Variants in ATG7 observed in about 807,000 individuals in gnomAD.
ATG7 encodes the protein autophagy related 7.
A neutral mutation model predicts 82.4 loss-of-function variants in ATG7; 70 were observed. The observed-to-expected ratio is 0.85, with a 90% CI of 0.70 to 1.04. The LOEUF (loss-of-function observed/expected upper bound fraction) is 1.04, where lower values mean the gene tolerates loss of function less well. Ranked by LOEUF, ATG7 falls within the 50% of genes least tolerant of loss-of-function variation. The pLI, the probability that ATG7 is intolerant of heterozygous loss-of-function variation, is 0.00. For missense variants in ATG7, 792 were observed against 864.3 expected (o/e 0.92, Z 1.05); for synonymous variants, 287 against 313.0 (o/e 0.92, Z 0.88).
intron 20 of ATG7, among the ~76,000 whole-genome samples, chr3:11,447,262 G>A (rs2084655637): frequency 6.6e-6 from 1 of 152,020 alleles, no homozygotes; most frequent in Non-Finnish European, 1.5e-5. Context: ...TCAGGAATTC[G>A]AGACCAGCCT....
intron 20 of ATG7, among the ~76,000 whole-genome samples, chr3:11,452,452 G>A (rs2442772): frequency 0.32 from 47,889 of 148,972 alleles, 8,730 homozygotes; most frequent in African/African-American, 0.47. Flanking sequence ...TTACACAGCT[G>A]TGAACATATT....
intron 20 of ATG7, among the ~76,000 whole-genome samples, chr3:11,552,888 A>G (rs1179309695): frequency 6.6e-6 from 1 of 152,168 alleles, no homozygotes; most frequent in Non-Finnish European, 1.5e-5. Context: ...AAACCCAGTA[A>G]AATGGATGAT....
rs543149244 is a variant in ATG7, at chr3:11,370,320, C to G, written c.1875+5586C>G. ...CTGGCTCATGTCCAGCTTAGTTTTT[C>G]TGCCCCCTTGGTGACTCTAGCTTAA... is the stretch of plus-strand genomic sequence containing the variant. On this transcript the variant is annotated intron_variant, in intron 18 of 20. Coordinates refer to ENST00000693202, the MANE Select transcript of ATG7 (RefSeq NM_001349232.2). 3.4e-4 allele frequency among the ~76,000 whole-genome samples: 51 copies of G among 151,038 alleles called. 1 individual carries two copies. Among genetic ancestry groups the G allele is most frequent in the African/African-American group, 1.2e-3 (48 of 40,984 alleles).
At chr3:11,282,678 G>A (rs1024902262) in intron 3 of ATG7, among the ~76,000 whole-genome samples, 4 of 152,134 alleles carry the variant, frequency 2.6e-5, no homozygotes, top group Non-Finnish European at 5.9e-5. Context: ...CTCATCTTCC[G>A]GTAGAGCCTA....
At chr3:11,317,144 G>A (rs1009040961) in intron 9 of ATG7, among the ~76,000 whole-genome samples, 2 of 152,050 alleles carry the variant, frequency 1.3e-5, no homozygotes, top group Non-Finnish European at 2.9e-5. Context: ...CTGGCCCAGA[G>A]GAAGCCCTTT....
chr3:11,414,968 TC>T (rs2081240927), intron 19 of ATG7, among the ~76,000 whole-genome samples: 1 of 152,350 alleles, frequency 6.6e-6, no homozygotes, highest in South Asian at 2.1e-4. Context: ...GGGGATACCT[TC>T]TGAGAAATGT....
At chr3:11,564,982 G>A in the ATG7 span, 70 of 1,528,852 alleles carry the variant, frequency 4.6e-5, no homozygotes, top group Non-Finnish European at 5.5e-5. Flanking sequence ...CTCCGCTCCC[G>A]GGGGTCTCTG....
At chr3:11,295,535 A>T (rs114213895) in intron 3 of ATG7, among the ~76,000 whole-genome samples, 1,553 of 152,270 alleles carry the variant, frequency 0.01, 31 homozygotes, top group African/African-American at 0.033. Context: ...TGCCTTTTAT[A>T]GCCTGTTCTC....
Position 11,497,367 on chromosome 3 carries a change from A to ATG in ATG7, c.2080-57443_2080-57442insGT, listed in dbSNP as rs561440651. On this transcript the variant is annotated intron_variant, in intron 20 of 20. Transcript: ENST00000693202. ...TCTGTACTAAAAATACTATATATAT[A>ATG]TATATATATATATATATATATATAT... Among the ~76,000 whole-genome samples the ATG allele has an allele frequency of 4.1e-3, 285 of 69,504 alleles. 11 individuals carry two copies. The highest frequency in any genetic ancestry group is 0.014 in the African/African-American group (275 of 19,944). The allele number at this position is 69,504 out of a possible 152,430, so 45.6% of individuals were successfully genotyped here. A position where few individuals can be genotyped will look rare whatever the true frequency, so the allele number is the denominator to read the frequency against.
chr3:11,530,889 C>T lies in ATG7; in HGVS notation c.2080-23922C>T, dbSNP rs1271870275. ...ACAGCTACTTGGGAGGCTGAGGCAA[C>T]GGTGTTGCTTGCCCCTGGGAGGCAG... On this transcript the variant is annotated intron_variant, in intron 20 of 20. Coordinates refer to ENST00000693202, the MANE Select transcript of ATG7 (RefSeq NM_001349232.2). 5.3e-5 allele frequency among the ~76,000 whole-genome samples: 8 copies of T among 152,040 alleles called. No homozygotes were observed. The East Asian group carries it at 5.8e-4, about 11-fold the overall frequency.
At chr3:11,451,894 CACACACAG>C (rs2085210081) in intron 20 of ATG7, among the ~76,000 whole-genome samples, 4 of 150,840 alleles carry the variant, frequency 2.7e-5, no homozygotes, top group Admixed American at 2.6e-4. Flanking sequence ...CAGACACACA[CACACACAG>C]ACACACACAC....
Position 11,348,308 on chromosome 3 carries a change from C to T in ATG7, c.1284+273C>T, listed in dbSNP as rs553543712. 359 of 370,474 alleles carry T rather than the reference C, an allele frequency of 9.7e-4. 6 individuals are homozygous for T. In the South Asian group the frequency reaches 0.012, roughly 12 times the overall value. The allele number at this position is 370,474 out of a possible 1,614,324, so 22.9% of individuals were successfully genotyped here. On this transcript the variant is annotated intron_variant, in intron 14 of 20. Coordinates refer to ENST00000693202, the MANE Select transcript of ATG7 (RefSeq NM_001349232.2). ...CTTGCTGACTTCAAGAATGAAGCCG[C>T]GGACCTTCGCAGTGAGTGTTACAGC... is the stretch of plus-strand genomic sequence containing the variant.
intron 19 of ATG7, among the ~76,000 whole-genome samples, chr3:11,406,182 G>T (rs915044741): frequency 1.3e-5 from 2 of 151,972 alleles, no homozygotes; most frequent in African/African-American, 4.8e-5. Flanking sequence ...TAGAAATGGG[G>T]TTTCATCATA....
intron 15 of ATG7, among the ~76,000 whole-genome samples, chr3:11,360,207 G>A (rs568768944): frequency 1.3e-5 from 2 of 152,198 alleles, no homozygotes; most frequent in Non-Finnish European, 2.9e-5. Context: ...CATCATGCTC[G>A]GCTAATTTTT....
chr3:11,319,778 CT>C (rs554363793), intron 9 of ATG7, among the ~76,000 whole-genome samples: 121 of 152,210 alleles, frequency 7.9e-4, no homozygotes, highest in African/African-American at 2.7e-3. Context: ...ACCCCTGTGT[CT>C]TGTGGATTTC....
chr3:11,335,473 T>A (rs1170154173), intron 11 of ATG7, among the ~76,000 whole-genome samples: 2 of 152,138 alleles, frequency 1.3e-5, no homozygotes, highest in Non-Finnish European at 2.9e-5. Context: ...GGGCCATGGG[T>A]TGGACAAGCG....
chr3:11,477,111 G>T (rs1023455945), intron 20 of ATG7: 1 of 1,289,680 alleles, frequency 7.8e-7, no homozygotes, highest in Non-Finnish European at 1.0e-6. Context: ...GTAATTAAAA[G>T]GGAGCATGTT....
downstream of ATG7, among the ~76,000 whole-genome samples, chr3:11,559,957 C>T (rs573387862): frequency 2.6e-5 from 4 of 152,120 alleles, no homozygotes; most frequent in African/African-American, 9.7e-5. Context: ...ACCTACAAAT[C>T]GGGACAGAGA....
intron 9 of ATG7, among the ~76,000 whole-genome samples, chr3:11,319,706 T>G (rs542349796): frequency 6.6e-6 from 1 of 152,334 alleles, no homozygotes; most frequent in East Asian, 1.9e-4. Context: ...TGATGCTGCT[T>G]CTATCCAGTC....
Sources: allele counts gnomAD v4.1 joint callset (sites outside exome capture counted in the v4.1 genomes callset), GRCh38; gene constraint gnomAD v4.1.1; transcripts MANE v1.5; gene names NCBI Gene and HGNC (gene_info 2026-07-23, HGNC 2026-07-21).